Variants in MCM6 observed in about 807,000 individuals in gnomAD.
MCM6 encodes minichromosome maintenance complex component 6, also known as DNA replication licensing factor MCM6.
In MCM6, 46 loss-of-function variants were observed where a neutral mutation model predicts 94.3. The ratio of observed to expected loss-of-function variants is 0.49; its 90% CI spans 0.39 to 0.62. The LOEUF (loss-of-function observed/expected upper bound fraction) is 0.62. Ranked by LOEUF, MCM6 falls within the 20% of genes least tolerant of loss-of-function variation. MCM6 has a pLI of 0.00. For synonymous variants in MCM6, 335 were observed against 351.9 expected, an observed-to-expected ratio of 0.95 and a Z score of 0.54; for missense variants, 865 against 1,017.9, an observed-to-expected ratio of 0.85 and a Z score of 2.04.
chr2:135,846,394 T>A lies in MCM6; in HGVS notation c.2054-2A>T. 1 of 1,613,870 alleles carries A rather than the reference T, an allele frequency of 6.2e-7. No individual in the cohort carries two copies. Among genetic ancestry groups the A allele is most frequent in the South Asian group, 1.1e-5 (1 of 91,048 alleles). On this transcript the variant is annotated splice_acceptor_variant, in intron 14 of 16. Coordinates refer to ENST00000264156, the MANE Select transcript of MCM6 (RefSeq NM_005915.6). LOFTEE classifies it high-confidence loss of function. ...CAGGAGCAGGGCTGTCAGCATGACC[T>A]AAGTGAAAAATTGACCACCTGAATC...
At chr2:135,858,104 C>A in intron 9 of MCM6, 100 bp from the exon 10 acceptor site, 1 of 1,043,420 alleles carries the variant, frequency 9.6e-7, no homozygotes, top group Non-Finnish European at 1.5e-6. Context: ...GCAGGAAGAA[C>A]GCTTCACTAA....
chr2:135,868,301 G>A (rs1161224927), intron 4 of MCM6, among the ~76,000 whole-genome samples: 1 of 152,126 alleles, frequency 6.6e-6, no homozygotes, highest in Non-Finnish European at 1.5e-5. Flanking sequence ...CTAACAAGTT[G>A]CTATTTCTTT....
chr2:135,862,792 A>G (rs188010235), intron 7 of MCM6, 44 bp from the exon 8 acceptor site: 99 of 1,602,984 alleles, frequency 6.2e-5, no homozygotes, highest in Admixed American at 2.4e-4. Flanking sequence ...ATTTTTCAAC[A>G]TGAAGTTAAA....
chr2:135,869,270 G>A (rs933904443), intron 3 of MCM6, among the ~76,000 whole-genome samples: 3 of 151,818 alleles, frequency 2.0e-5, no homozygotes, highest in African/African-American at 4.8e-5. Context: ...TCGTGGTGGC[G>A]GGCGCCTGTA....
intron 16 of MCM6, among the ~76,000 whole-genome samples, chr2:135,843,331 G>A (rs1022321656): frequency 6.6e-6 from 1 of 152,206 alleles, no homozygotes; most frequent in African/African-American, 2.4e-5. Flanking sequence ...CAGGAGTGGT[G>A]AGAGCTGGTG....
At chr2:135,868,567 T>C in intron 4 of MCM6, 44 bp downstream of exon 4, 1 of 1,591,690 alleles carries the variant, frequency 6.3e-7, no homozygotes, top group Non-Finnish European at 8.6e-7. Flanking sequence ...AAGTGAATTA[T>C]TATCATAGAT....
Position 135,856,558 on chromosome 2 carries a change from A to G in MCM6, c.1626+170T>C, listed in dbSNP as rs533461482. On this transcript the variant is annotated intron_variant, in intron 11 of 16. Coordinates refer to ENST00000264156, the MANE Select transcript of MCM6 (RefSeq NM_005915.6). ...CAATTAAGTGGAAGAGGCAATTCAAATGACTTTATTTTGAGTTGCTTACTA... is the reference window on the plus strand; with the variant it reads ...CAATTAAGTGGAAGAGGCAATTCAAGTGACTTTATTTTGAGTTGCTTACTA... 4.6e-5 allele frequency among the ~76,000 whole-genome samples: 7 copies of G among 152,350 alleles called. No homozygotes were observed. The East Asian group carries it at 1.3e-3, about 29-fold the overall frequency.
intron 11 of MCM6, among the ~76,000 whole-genome samples, chr2:135,854,402 C>T (rs1558757499): frequency 1.3e-5 from 2 of 151,486 alleles, no homozygotes; most frequent in Non-Finnish European, 2.9e-5. Context: ...TGGTGGCACA[C>T]GCCTGTGATC....
intron 1 of MCM6, among the ~76,000 whole-genome samples, chr2:135,874,439 GC>G (rs1680260548): frequency 1.3e-5 from 2 of 152,190 alleles, no homozygotes; most frequent in Admixed American, 1.3e-4. Flanking sequence ...CAATAACATT[GC>G]CATAGGTAGT....
chr2:135,872,646 T>G lies in MCM6; in HGVS notation c.254+51A>C, dbSNP rs377350088. On this transcript the variant is annotated intron_variant, in intron 2 of 16. Coordinates refer to ENST00000264156, the MANE Select transcript of MCM6 (RefSeq NM_005915.6). ...CACTTACAGTCCAAGAAGAGCTGGC[T>G]TCCCGGATTTCAACCCCTATTCAAA... 4.0e-5 allele frequency: 64 copies of G among 1,581,042 alleles called. 1 individual carries two copies. The Middle Eastern group carries it at 1.0e-3, about 25-fold the overall frequency.
chr2:135,854,492 T>C (rs1400015709), intron 11 of MCM6, among the ~76,000 whole-genome samples: 38 of 120,860 alleles, frequency 3.1e-4, no homozygotes, highest in Non-Finnish European at 5.2e-4. Context: ...ACGGCAGCAC[T>C]GCACTCCAGC....
Position 135,866,733 on chromosome 2 carries a change from A to G in MCM6, c.616-5T>C. ...TTGGGTCTCTTGAATACGAACCTGT[A>G]ATACAGACAAACAACCAACCAAGAA... On this transcript the variant is annotated splice_polypyrimidine_tract_variant and splice_region_variant and intron_variant, in intron 4 of 16. Transcript: ENST00000264156. 3 of 1,590,322 alleles carry G rather than the reference A, an allele frequency of 1.9e-6. No individual in the cohort carries two copies. Among genetic ancestry groups the G allele is most frequent in the Non-Finnish European group, 2.6e-6 (3 of 1,171,368 alleles).
At position 135,840,568 on chromosome 2, in the gene MCM6, G is replaced by C. The variant is rs187760399; in HGVS notation, c.*267C>G. 357 of 328,384 alleles carry C rather than the reference G, an allele frequency of 1.1e-3. 1 individual carries two copies. Among genetic ancestry groups the C allele is most frequent in the Admixed American group, 2.9e-3 (64 of 22,030 alleles). 20.3% of individuals were successfully genotyped at this position (328,384 alleles called of 1,614,324 possible). Reference sequence around the variant, plus strand: ...GCCTTTTCTTACACATGAAAACAAAGGTATTGGTTATAGAGACTACACATT... The same window carrying C: ...GCCTTTTCTTACACATGAAAACAAACGTATTGGTTATAGAGACTACACATT... On this transcript the variant is annotated 3_prime_UTR_variant, in exon 17 of 17. Coordinates refer to ENST00000264156, the MANE Select transcript of MCM6 (RefSeq NM_005915.6).
Position 135,844,594 on chromosome 2 carries a change from A to C in MCM6, c.2300T>G (p.Ile767Arg). Reference sequence around the variant, plus strand: ...TTTCTCTATGATTCTTTTTTTATTTATAAGTTCTTCTTCAGAGTCTATCTC... The same window carrying C: ...TTTCTCTATGATTCTTTTTTTATTTCTAAGTTCTTCTTCAGAGTCTATCTC... ...ESEIDSEEEL[I>R]NKKRIIEKVI... Residue 767 changes from isoleucine (I) to arginine (R), a missense_variant, in exon 16 of 17, where the codon ATA (isoleucine) becomes AGA (arginine). Ile to Arg is a moderately conservative substitution (Grantham distance 97, BLOSUM62 -3). Around this residue, in one of 3 missense-constraint regions of MCM6, gnomAD observed 308 missense variants for 324.5 expected, o/e 0.95. Transcript: ENST00000264156. 1 of 1,582,528 alleles carries C rather than the reference A, an allele frequency of 6.3e-7. No homozygotes were observed. The highest frequency in any genetic ancestry group is 8.6e-7 in the Non-Finnish European group (1 of 1,166,794).
chr2:135,866,360 A>G, intron 5 of MCM6, 83 bp from the exon 6 acceptor site: 3 of 1,528,662 alleles, frequency 2.0e-6, no homozygotes, highest in Non-Finnish European at 2.7e-6. Context: ...TGAAAGCTAT[A>G]AATCCAAAGA....
chr2:135,858,739 G>A (rs1382279220), intron 9 of MCM6, among the ~76,000 whole-genome samples: 1 of 152,134 alleles, frequency 6.6e-6, no homozygotes, highest in African/African-American at 2.4e-5. Flanking sequence ...TGTCAACTCA[G>A]GATTGATTTT....
At chr2:135,843,167 C>T (rs985153865) in intron 16 of MCM6, among the ~76,000 whole-genome samples, 1 of 152,080 alleles carries the variant, frequency 6.6e-6, no homozygotes, top group Non-Finnish European at 1.5e-5. Context: ...ATCAAGGAGT[C>T]AAAGACAATT....
chr2:135,852,680 G>C (rs1485379663), intron 12 of MCM6, 107 bp downstream of exon 12: 1 of 795,892 alleles, frequency 1.3e-6, no homozygotes, highest in Non-Finnish European at 1.8e-6. Flanking sequence ...TAAAATTTAG[G>C]AACTAAGGTA....
In MCM6 at chr2:135,857,923, T is replaced by C. The variant is rs201501566; in HGVS notation, c.1444A>G (p.Ile482Val). ...TTCACTCCTGCTTTAGTGATGGATATGGTCTGCTGTTCCATAGCTTCATGA... is the reference window on the plus strand; with the variant it reads ...TTCACTCCTGCTTTAGTGATGGATACGGTCTGCTGTTCCATAGCTTCATGA... ...AIHEAMEQQT[I>V]SITKAGVKAT... Residue 482 changes from isoleucine (I) to valine (V), a missense_variant, in exon 10 of 17, where the codon ATA becomes GTA. Physicochemically the swap from Ile to Val is conservative, Grantham distance 29 (BLOSUM62 3). This residue lies in a region of MCM6 where 153 missense variants were observed against 241.5 expected (regional missense o/e 0.63). Transcript: ENST00000264156. The C allele has an allele frequency of 1.2e-6, 2 of 1,614,024 alleles. No homozygotes were observed. Among genetic ancestry groups the C allele is most frequent in the East Asian group, 2.2e-5 (1 of 44,886 alleles).
Sources: gnomAD v4.1 joint callset for allele counts (sites outside exome capture counted in the v4.1 genomes callset) on GRCh38, gnomAD v4.1.1 for gene constraint, gnomAD v4.1.1 regional missense constraint, MANE v1.5 for transcripts, NCBI Gene and HGNC (gene_info 2026-07-23, HGNC 2026-07-21) for gene names.